KDM4B: variants seen among roughly 807,000 people sequenced by gnomAD.
KDM4B encodes the protein lysine demethylase 4B, also known as lysine-specific demethylase 4B.
A neutral mutation model predicts 125.2 loss-of-function variants in KDM4B; 32 were observed. The ratio of observed to expected loss-of-function variants is 0.26; its 90% CI spans 0.19 to 0.34. The LOEUF (loss-of-function observed/expected upper bound fraction) is 0.34, where lower values mean the gene tolerates loss of function less well. Ranked by LOEUF, KDM4B falls within the 10% of genes least tolerant of loss-of-function variation. KDM4B has a pLI of 1.00. For synonymous variants in KDM4B, 721 were observed against 677.9 expected, an observed-to-expected ratio of 1.06 and a Z score of -0.99; for missense variants, 1,190 against 1,577.7, an observed-to-expected ratio of 0.75 and a Z score of 4.16.
intron 9 of KDM4B, among the ~76,000 whole-genome samples, chr19:5,105,023 C>T (rs741700): frequency 0.11 from 16,758 of 152,250 alleles, 1,021 homozygotes; most frequent in Non-Finnish European, 0.14. Context: ...CCCTGGGCTC[C>T]GTCCGGGCAG....
chr19:4,975,447 G>A (rs1417978812), intron 1 of KDM4B, among the ~76,000 whole-genome samples: 2 of 152,064 alleles, frequency 1.3e-5, no homozygotes, highest in East Asian at 3.9e-4. Flanking sequence ...GAACCTGTGG[G>A]TTGTAGTTTG....
intron 15 of KDM4B, among the ~76,000 whole-genome samples, chr19:5,136,787 G>A (rs1033012233): frequency 2.0e-5 from 3 of 152,194 alleles, no homozygotes; most frequent in Non-Finnish European, 4.4e-5. Flanking sequence ...GGGGGCAGGC[G>A]GCACCCCTGC....
At chr19:4,990,291 G>A (rs749513594) in intron 1 of KDM4B, among the ~76,000 whole-genome samples, 3 of 151,988 alleles carry the variant, frequency 2.0e-5, no homozygotes, top group Non-Finnish European at 4.4e-5. Context: ...CCCTGTCCCC[G>A]CCCCACAAAA....
At chr19:5,065,129 C>T (rs902307784) in intron 6 of KDM4B, among the ~76,000 whole-genome samples, 3 of 152,250 alleles carry the variant, frequency 2.0e-5, no homozygotes, top group Admixed American at 6.5e-5. Flanking sequence ...CACTGCGCAG[C>T]GTCACCTAGC....
At position 5,114,964 on chromosome 19, in the gene KDM4B, G is replaced by A. The variant is rs1200657150; in HGVS notation, c.1115+4146G>A. ...AGCGGCGTCCAGTTAAGCCTGGCAGGCTAAGTGCTTATTTATCTCCACTCT... is the reference window on the plus strand; with the variant it reads ...AGCGGCGTCCAGTTAAGCCTGGCAGACTAAGTGCTTATTTATCTCCACTCT... On this transcript the variant is annotated intron_variant, in intron 10 of 22. Coordinates refer to ENST00000159111, the MANE Select transcript of KDM4B (RefSeq NM_015015.3). The surrounding 1 kb of genome is among the most constrained non-coding windows in gnomAD (Gnocchi z 5.8). Among the ~76,000 whole-genome samples, 1 of 152,258 alleles carries A rather than the reference G, an allele frequency of 6.6e-6. No individual in the cohort carries two copies.
chr19:5,084,064 T>G (rs927002114), intron 9 of KDM4B, among the ~76,000 whole-genome samples: 1 of 151,962 alleles, frequency 6.6e-6, no homozygotes, highest in African/African-American at 2.4e-5. Flanking sequence ...CTGGCCAACA[T>G]GGTGAAACCC....
In KDM4B at chr19:5,142,617, C is replaced by A. The variant is rs547626094; in HGVS notation, c.2551-1350C>A. Among the ~76,000 whole-genome samples the A allele has an allele frequency of 6.6e-6, 1 of 152,178 alleles. No individual in the cohort carries two copies. Among genetic ancestry groups the A allele is most frequent in the South Asian group, 2.1e-4 (1 of 4,832 alleles). On this transcript the variant is annotated intron_variant, in intron 18 of 22. Coordinates refer to ENST00000159111, the MANE Select transcript of KDM4B (RefSeq NM_015015.3). The surrounding 1 kb of genome is among the most constrained non-coding windows in gnomAD (Gnocchi z 5.4). ...TGACGTGTTCAAGACGGCTCAGCAACCCCACCTGACAGTGTCCAGGTGGGG... is the reference window on the plus strand; with the variant it reads ...TGACGTGTTCAAGACGGCTCAGCAAACCCACCTGACAGTGTCCAGGTGGGG...
chr19:4,972,381 G>T (rs887373479), intron 1 of KDM4B, among the ~76,000 whole-genome samples: 1 of 152,146 alleles, frequency 6.6e-6, no homozygotes, highest in African/African-American at 2.4e-5. Flanking sequence ...GGTAAAAGGC[G>T]CTGAAGCTTG....
intron 3 of KDM4B, among the ~76,000 whole-genome samples, chr19:5,038,084 G>A (rs549987707): frequency 9.6e-4 from 147 of 152,374 alleles, no homozygotes; most frequent in African/African-American, 3.3e-3. Context: ...CCCGGGGCGC[G>A]GAGGGGCAGC....
rs1479424328 is a variant in KDM4B, at chr19:5,033,047, G to C, written c.141+16G>C. ...CCTGGCCAAGGTGGGTGACATCCTGGCCCCAGCGCGGCCCTCCATCAGCCT... is the reference window on the plus strand; with the variant it reads ...CCTGGCCAAGGTGGGTGACATCCTGCCCCCAGCGCGGCCCTCCATCAGCCT... On this transcript the variant is annotated intron_variant, in intron 3 of 22. Transcript: ENST00000159111. The C allele has an allele frequency of 4.3e-6, 7 of 1,611,016 alleles. No individual in the cohort carries two copies. Among genetic ancestry groups the C allele is most frequent in the Non-Finnish European group, 5.9e-6 (7 of 1,178,694 alleles).
intron 13 of KDM4B, 111 bp downstream of exon 13, chr19:5,132,118 C>T (rs1447237397): frequency 7.5e-7 from 1 of 1,329,320 alleles, no homozygotes; most frequent in Non-Finnish European, 1.0e-6. Context: ...TCCTGGGTCT[C>T]CTCCCCTGAA....
At chr19:5,069,544 G>A (rs896865531) in intron 6 of KDM4B, among the ~76,000 whole-genome samples, 1 of 151,728 alleles carries the variant, frequency 6.6e-6, no homozygotes, top group South Asian at 2.1e-4. Flanking sequence ...TTCTGACCTC[G>A]TGATCCACCC....
At chr19:5,030,285 C>T (rs2036410259) in intron 2 of KDM4B, among the ~76,000 whole-genome samples, 1 of 152,166 alleles carries the variant, frequency 6.6e-6, no homozygotes, top group Non-Finnish European at 1.5e-5. Flanking sequence ...TCCTGTCGTA[C>T]AGAGCACAAG....
chr19:5,025,881 T>C (rs2036262388), intron 2 of KDM4B, among the ~76,000 whole-genome samples: 1 of 152,066 alleles, frequency 6.6e-6, no homozygotes, highest in South Asian at 2.1e-4. Context: ...ATTTATTTTA[T>C]TTTACTTATT....
At chr19:5,104,433 C>T (rs2038997117) in intron 9 of KDM4B, among the ~76,000 whole-genome samples, 1 of 151,712 alleles carries the variant, frequency 6.6e-6, no homozygotes, top group African/African-American at 2.4e-5. Flanking sequence ...AACCGTTTTG[C>T]TCTGGGTTTT....
At chr19:5,148,020 T>C (rs1433098194) in intron 21 of KDM4B, among the ~76,000 whole-genome samples, 4 of 152,084 alleles carry the variant, frequency 2.6e-5, no homozygotes, top group Non-Finnish European at 5.9e-5. Flanking sequence ...GCCGAGTGGC[T>C]GAGACCCCCA....
chr19:5,047,173 T>C, intron 5 of KDM4B: 2 of 321,498 alleles, frequency 6.2e-6, no homozygotes, highest in South Asian at 6.1e-5. Flanking sequence ...TTCTCACGCC[T>C]ATAGCCTATA....
At chr19:5,100,428 T>C (rs768741787) in intron 9 of KDM4B, among the ~76,000 whole-genome samples, 23 of 152,204 alleles carry the variant, frequency 1.5e-4, no homozygotes, top group African/African-American at 5.5e-4. Context: ...TTGTTGTTGT[T>C]GTCTTCAAGA....
intron 1 of KDM4B, among the ~76,000 whole-genome samples, chr19:5,002,810 G>C (rs1268188915): frequency 6.6e-6 from 1 of 151,936 alleles, no homozygotes; most frequent in East Asian, 1.9e-4. Flanking sequence ...AGTTAGCCAG[G>C]CATAGTGGTG....
Sources: gnomAD v4.1 joint callset for allele counts (sites outside exome capture counted in the v4.1 genomes callset) on GRCh38, gnomAD v4.1.1 for gene constraint, Gnocchi (gnomAD v3.1) non-coding constraint, MANE v1.5 for transcripts, NCBI Gene and HGNC (gene_info 2026-07-23, HGNC 2026-07-21) for gene names.